Variants in QKI observed in about 807,000 individuals in gnomAD.
The protein encoded by QKI is KH domain-containing RNA-binding protein QKI.
A neutral mutation model predicts 39.0 loss-of-function variants in QKI; 10 were observed. The ratio of observed to expected loss-of-function variants is 0.26; its 90% confidence interval spans 0.16 to 0.43. The LOEUF (loss-of-function observed/expected upper bound fraction) is 0.43. Among genes scored for constraint, QKI ranks in the 20% least tolerant of loss-of-function variants. The pLI is 1.00. For missense variants in QKI, 218 were observed against 428.0 expected (o/e 0.51, Z 4.33); for synonymous variants, 204 against 155.4 (o/e 1.31, Z -2.33).
intron 4 of QKI, among the ~76,000 whole-genome samples, chr6:163,560,698 T>C (rs1347609124): frequency 6.6e-6 from 1 of 152,224 alleles, no homozygotes; most frequent in Non-Finnish European, 1.5e-5. Context: ...TATAGGCAAC[T>C]AAAGTTTTTT....
chr6:163,418,071 CTT>C (rs1179173096), intron 1 of QKI, among the ~76,000 whole-genome samples: 2 of 148,554 alleles, frequency 1.3e-5, no homozygotes, highest in East Asian at 1.9e-4. Context: ...TTGATCATGA[CTT>C]TTGTTTCTGG....
Position 163,448,401 on chromosome 6 carries a change from T to C in QKI, c.143-6878T>C, listed in dbSNP as rs547149360. 2.0e-5 allele frequency among the ~76,000 whole-genome samples: 3 copies of C among 150,542 alleles called. No homozygotes were observed. The Admixed American group carries it at 2.0e-4, about 10-fold the overall frequency. On this transcript the variant is annotated intron_variant, in intron 1 of 7. Coordinates refer to ENST00000361752, the MANE Select transcript of QKI (RefSeq NM_006775.3). Reference sequence around the variant, plus strand: ...TTGAAATTAAATCAGATTTATTTGGTTGTTAGAGTAAGCAAACATATTTCA... The same window carrying C: ...TTGAAATTAAATCAGATTTATTTGGCTGTTAGAGTAAGCAAACATATTTCA...
intron 2 of QKI, among the ~76,000 whole-genome samples, chr6:163,457,091 T>C (rs768828563): frequency 1.1e-4 from 17 of 152,170 alleles, no homozygotes; most frequent in Non-Finnish European, 2.4e-4. Context: ...TCTACTGCTG[T>C]TAGGTTTTTC....
chr6:163,491,596 T>C (rs1481111857), intron 3 of QKI, among the ~76,000 whole-genome samples: 1 of 152,218 alleles, frequency 6.6e-6, no homozygotes, highest in Non-Finnish European at 1.5e-5. Flanking sequence ...GGCTTAGCTT[T>C]GTTTTAAGAT....
chr6:163,566,668 T>A (rs1231835958), intron 6 of QKI, 53 bp from the exon 7 acceptor site: 8 of 1,599,986 alleles, frequency 5.0e-6, no homozygotes, highest in Non-Finnish European at 6.8e-6. Context: ...TAATGTTTTT[T>A]CCCCCCTTGT....
At chr6:163,476,845 A>G (rs376517171) in intron 2 of QKI, among the ~76,000 whole-genome samples, 17 of 152,238 alleles carry the variant, frequency 1.1e-4, no homozygotes, top group African/African-American at 3.9e-4. Context: ...TTGGTAGGCT[A>G]TTGTGACTGT....
At chr6:163,458,841 G>A (rs1229202518) in intron 2 of QKI, among the ~76,000 whole-genome samples, 1 of 152,074 alleles carries the variant, frequency 6.6e-6, no homozygotes, top group East Asian at 1.9e-4. Context: ...TGTGTACCAA[G>A]CACATCCTAG....
chr6:163,501,286 TA>T (rs5881537), intron 3 of QKI, among the ~76,000 whole-genome samples: 17 of 146,614 alleles, frequency 1.2e-4, no homozygotes, highest in Non-Finnish European at 1.4e-4. Flanking sequence ...GTTTTAACAT[TA>T]AAAAAAAAAA....
chr6:163,470,580 G>T (rs747629428), intron 2 of QKI, among the ~76,000 whole-genome samples: 10 of 152,000 alleles, frequency 6.6e-5, no homozygotes, highest in Non-Finnish European at 1.3e-4. Flanking sequence ...AAAATCTGAA[G>T]AAACAGTCTG....
At chr6:163,435,194 A>C (rs543494894) in intron 1 of QKI, among the ~76,000 whole-genome samples, 1 of 152,352 alleles carries the variant, frequency 6.6e-6, no homozygotes, top group Non-Finnish European at 1.5e-5. Flanking sequence ...AAGTTACGCA[A>C]TTGTTACAGG....
intron 3 of QKI, among the ~76,000 whole-genome samples, chr6:163,523,200 A>G (rs537191914): frequency 2.7e-4 from 41 of 152,272 alleles, no homozygotes; most frequent in Admixed American, 1.3e-3. Flanking sequence ...TTAATTTCAC[A>G]GAAGGCAGGT....
At chr6:163,466,608 T>G (rs1737605) in intron 2 of QKI, among the ~76,000 whole-genome samples, 146,210 of 152,074 alleles carry the variant, frequency 0.96, 70,227 homozygotes, top group East Asian at 1. Context: ...AAGGGTACCA[T>G]GACTACACAA....
chr6:163,451,976 G>T (rs947081482), intron 1 of QKI, among the ~76,000 whole-genome samples: 18 of 152,264 alleles, frequency 1.2e-4, no homozygotes, highest in Non-Finnish European at 2.2e-4. Flanking sequence ...CAAATGGAAA[G>T]TTTTAAAGAC....
At chr6:163,508,435 T>G (rs1667988015) in intron 3 of QKI, among the ~76,000 whole-genome samples, 1 of 152,056 alleles carries the variant, frequency 6.6e-6, no homozygotes, top group African/African-American at 2.4e-5. Context: ...ATGATATGAT[T>G]AATTGCTCAC....
chr6:163,476,689 C>T (rs565057294), intron 2 of QKI, among the ~76,000 whole-genome samples: 3 of 152,168 alleles, frequency 2.0e-5, no homozygotes, highest in African/African-American at 4.8e-5. Flanking sequence ...TTCTTGTTTT[C>T]TGCAAAACTC....
intron 4 of QKI, among the ~76,000 whole-genome samples, chr6:163,539,831 C>G (rs1781406884): frequency 6.6e-6 from 1 of 152,138 alleles, no homozygotes; most frequent in African/African-American, 2.4e-5. Flanking sequence ...TATTTCTCAA[C>G]ACACACTCAA....
chr6:163,491,175 A>C (rs906324906), intron 3 of QKI, among the ~76,000 whole-genome samples: 1 of 152,222 alleles, frequency 6.6e-6, no homozygotes. Flanking sequence ...CACTAAAAAA[A>C]TTCAATCCAT....
intron 1 of QKI, among the ~76,000 whole-genome samples, chr6:163,437,860 T>G (rs989486443): frequency 1.3e-4 from 19 of 151,112 alleles, no homozygotes; most frequent in African/African-American, 3.9e-4. Context: ...AAACTAATTT[T>G]AAACTCCGGA....
intron 3 of QKI, among the ~76,000 whole-genome samples, chr6:163,490,382 T>C (rs2294707): frequency 0.11 from 16,041 of 152,230 alleles, 1,002 homozygotes; most frequent in East Asian, 0.25. Flanking sequence ...AAGACTGATA[T>C]ATTGACAGTG....
Sources: allele counts gnomAD v4.1 joint callset (sites outside exome capture counted in the v4.1 genomes callset), GRCh38; gene constraint gnomAD v4.1.1; transcripts MANE v1.5; gene names NCBI Gene and HGNC (gene_info 2026-07-23, HGNC 2026-07-21).